The following DCDC1 variants were observed in gnomAD, a reference collection of about 807,000 sequenced individuals.
DCDC1 encodes doublecortin domain-containing protein 1.
A neutral mutation model predicts 178.3 loss-of-function variants in DCDC1; 200 were observed. The observed-to-expected ratio is 1.12, with a 90% CI of 1.00 to 1.26. DCDC1 has a LOEUF of 1.26. Among genes scored for constraint, DCDC1 ranks in the 50% most tolerant of loss-of-function variants. The pLI is 0.00. For missense variants in DCDC1, 1,983 were observed against 1,749.2 expected (o/e 1.13, Z -2.38); for synonymous variants, 690 against 604.8 (o/e 1.14, Z -2.07).
At position 31,207,238 on chromosome 11, in the gene DCDC1, A is replaced by T. The variant is rs907230168; in HGVS notation, c.1221+34212T>A. Among the ~76,000 whole-genome samples the T allele has an allele frequency of 2.0e-5, 3 of 152,304 alleles. No homozygotes were observed. In the East Asian group the frequency reaches 5.8e-4, roughly 29 times the overall value. ...TTAGGCCTGTGGCTAGTACACAATA[A>T]GCAACATGAAATGTTTGTTATTACT... is the stretch of plus-strand genomic sequence containing the variant. On this transcript the variant is annotated intron_variant, in intron 9 of 38. Transcript: ENST00000684477.
At chr11:31,204,066 G>C (rs10128584) in intron 9 of DCDC1, among the ~76,000 whole-genome samples, 1 of 152,098 alleles carries the variant, frequency 6.6e-6, no homozygotes, top group Non-Finnish European at 1.5e-5. Flanking sequence ...GCCAATTTCT[G>C]TGGTGCTTAT....
chr11:30,945,454 G>C (rs1472581528), intron 21 of DCDC1, among the ~76,000 whole-genome samples: 1 of 151,898 alleles, frequency 6.6e-6, no homozygotes, highest in East Asian at 1.9e-4. Context: ...AGCACTTTGG[G>C]AAGCCGAGGT....
At chr11:30,956,622 T>C (rs1398556634) in intron 20 of DCDC1, among the ~76,000 whole-genome samples, 1 of 152,138 alleles carries the variant, frequency 6.6e-6, no homozygotes, top group Non-Finnish European at 1.5e-5. Context: ...TATATTACTT[T>C]TACTTTAAAG....
intron 9 of DCDC1, among the ~76,000 whole-genome samples, chr11:31,225,603 TA>T (rs907096584): frequency 6.7e-6 from 1 of 150,160 alleles, no homozygotes; most frequent in African/African-American, 2.4e-5. Flanking sequence ...AATATGTACA[TA>T]TACATATATG....
intron 20 of DCDC1, among the ~76,000 whole-genome samples, chr11:30,971,243 C>A (rs1470874405): frequency 2.0e-5 from 3 of 150,602 alleles, no homozygotes; most frequent in South Asian, 2.1e-4. Context: ...AAGACACACA[C>A]AAAAAAAAGA....
At chr11:30,962,959 T>TATGGAAGAAGGA (rs1949197001) in intron 20 of DCDC1, among the ~76,000 whole-genome samples, 1 of 152,098 alleles carries the variant, frequency 6.6e-6, no homozygotes, top group Non-Finnish European at 1.5e-5. Flanking sequence ...TCTTCAACAA[T>TATGGAAGAAGGA]ACCTGCTTAT....
chr11:31,200,933 C>G (rs1175460800), intron 9 of DCDC1, among the ~76,000 whole-genome samples: 1 of 151,728 alleles, frequency 6.6e-6, no homozygotes, highest in African/African-American at 2.4e-5. Flanking sequence ...TTGAGTATTA[C>G]TTGCTCTTAG....
chr11:30,993,009 TA>T (rs1210389102), intron 20 of DCDC1, among the ~76,000 whole-genome samples: 1 of 152,130 alleles, frequency 6.6e-6, no homozygotes, highest in African/African-American at 2.4e-5. Flanking sequence ...TTTTCAATCA[TA>T]AATTAGGCTT....
intron 8 of DCDC1, chr11:31,262,903 T>C: frequency 1.5e-6 from 1 of 656,060 alleles, no homozygotes; most frequent in Non-Finnish European, 2.4e-6. Flanking sequence ...ATGTTAGTGG[T>C]TGCACAGGCT....
In DCDC1 at chr11:31,158,628, A is replaced by T. The variant is rs1965989458; in HGVS notation, c.1222-20844T>A. Reference sequence around the variant, plus strand: ...AATCTTTCTTGAAACAGTGAAGTATAGCCTTTCAAATTCAGACAAATTGGA... The same window carrying T: ...AATCTTTCTTGAAACAGTGAAGTATTGCCTTTCAAATTCAGACAAATTGGA... On this transcript the variant is annotated intron_variant, in intron 9 of 38. Transcript: ENST00000684477. Among the ~76,000 whole-genome samples, 3 of 152,240 alleles carry T rather than the reference A, an allele frequency of 2.0e-5. No homozygotes were observed. The South Asian group carries it at 6.2e-4, about 31-fold the overall frequency.
intron 17 of DCDC1, among the ~76,000 whole-genome samples, chr11:31,090,980 A>AT (rs1414318649): frequency 2.0e-5 from 3 of 152,230 alleles, no homozygotes; most frequent in Non-Finnish European, 1.5e-5. Flanking sequence ...GTCCGTTACA[A>AT]GCCAGCATTT....
At chr11:30,986,906 G>A (rs1950683906) in intron 20 of DCDC1, among the ~76,000 whole-genome samples, 1 of 152,000 alleles carries the variant, frequency 6.6e-6, no homozygotes, top group South Asian at 2.1e-4. Flanking sequence ...CAAAGAGAAT[G>A]GTATTCTTTC....
Position 30,914,480 on chromosome 11 carries a change from C to T in DCDC1, c.3653+1031G>A, listed in dbSNP as rs1460474241. ...CAGAAAAAATAAATTGCACGATGCACAAACATACACTTTGTACACTATTTC... is the reference window on the plus strand; with the variant it reads ...CAGAAAAAATAAATTGCACGATGCATAAACATACACTTTGTACACTATTTC... On this transcript the variant is annotated intron_variant, in intron 27 of 38. Transcript: ENST00000684477. Among the ~76,000 whole-genome samples the T allele has an allele frequency of 2.0e-5, 3 of 152,270 alleles. No individual in the cohort carries two copies. In the East Asian group the frequency reaches 5.8e-4, roughly 29 times the overall value.
intron 9 of DCDC1, among the ~76,000 whole-genome samples, chr11:31,226,744 A>C (rs1395441403): frequency 2.0e-5 from 3 of 151,518 alleles, no homozygotes; most frequent in African/African-American, 7.3e-5. Context: ...AACAAAAGAC[A>C]TTAAAAGAAG....
intron 31 of DCDC1, chr11:30,904,211 T>G (rs1256760792): frequency 6.6e-6 from 1 of 152,240 alleles, no homozygotes; most frequent in Admixed American, 6.5e-5. Flanking sequence ...AGTTGCTAAC[T>G]TCTGTATTTT....
intron 37 of DCDC1, among the ~76,000 whole-genome samples, chr11:30,878,926 T>C (rs597043): frequency 0.012 from 1,757 of 152,198 alleles, 31 homozygotes; most frequent in African/African-American, 0.04. Context: ...AGGACTTCTT[T>C]CCAGGTTTAT....
chr11:31,135,736 A>G (rs1963048095), intron 10 of DCDC1, among the ~76,000 whole-genome samples: 1 of 152,302 alleles, frequency 6.6e-6, no homozygotes, highest in African/African-American at 2.4e-5. Flanking sequence ...AAGCAAATAT[A>G]TGACAAACTA....
Position 30,903,780 on chromosome 11 carries a change from T to A in DCDC1, c.4309-97A>T, listed in dbSNP as rs894178817. On this transcript the variant is annotated intron_variant, in intron 31 of 38. Coordinates refer to ENST00000684477, the MANE Select transcript of DCDC1 (RefSeq NM_001387274.1). ...CATTCTAAAAATCTGAAAAAAAAAA[T>A]AATTGAATTTGAGAAAATAGAAAGC... 16 of 1,043,392 alleles carry A rather than the reference T, an allele frequency of 1.5e-5. No individual in the cohort carries two copies. The African/African-American group carries it at 2.0e-4, about 13-fold the overall frequency. The allele number at this position is 1,043,392 out of a possible 1,614,324, so 64.6% of individuals were successfully genotyped here.
At chr11:30,977,569 A>G (rs1331110231) in intron 20 of DCDC1, among the ~76,000 whole-genome samples, 1 of 152,228 alleles carries the variant, frequency 6.6e-6, no homozygotes, top group Non-Finnish European at 1.5e-5. Context: ...TTTAATGAAT[A>G]TATTTGTTCA....
Sources: gnomAD v4.1 joint callset for allele counts (sites outside exome capture counted in the v4.1 genomes callset) on GRCh38, gnomAD v4.1.1 for gene constraint, MANE v1.5 for transcripts, NCBI Gene and HGNC (gene_info 2026-07-23, HGNC 2026-07-21) for gene names.